Variants in EXT1 observed in about 807,000 individuals in gnomAD.
EXT1 encodes the protein exostosin glycosyltransferase 1, also known as exostosin-1.
In EXT1, 20 loss-of-function variants were observed where a neutral mutation model predicts 82.5. The ratio of observed to expected loss-of-function variants is 0.24; its 90% CI spans 0.17 to 0.35. The LOEUF (loss-of-function observed/expected upper bound fraction) is 0.35. EXT1 is among the 10% of genes least tolerant of loss of function. The probability of loss-of-function intolerance (pLI) is 1.00; values close to 1 mark genes in which losing one functional copy is unlikely to be tolerated. For missense variants in EXT1, 757 were observed against 936.5 expected (o/e 0.81, Z 2.50); for synonymous variants, 348 against 350.8 (o/e 0.99, Z 0.09).
chr8:117,945,834 A>T (rs538296379), intron 1 of EXT1, among the ~76,000 whole-genome samples: 2 of 152,174 alleles, frequency 1.3e-5, no homozygotes, highest in Admixed American at 6.5e-5. Flanking sequence ...AGACTTGCCC[A>T]TGAAATTCTA....
intron 1 of EXT1, among the ~76,000 whole-genome samples, chr8:117,884,307 GA>G (rs1178811273): frequency 6.6e-6 from 1 of 152,198 alleles, no homozygotes; most frequent in African/African-American, 2.4e-5. Context: ...AATGAAGGGG[GA>G]AAGGGATTGG....
rs531748717 is a variant in EXT1 at position 118,062,203 on chromosome 8, C to T, written c.962+47882G>A. Among the ~76,000 whole-genome samples, 59 of 152,238 alleles carry T rather than the reference C, an allele frequency of 3.9e-4. 1 individual carries two copies. The highest frequency in any genetic ancestry group is 7.8e-4 in the Non-Finnish European group (53 of 68,042). ...AGCAGTCCTTCCCCGTTGACACAAACTCCATGAAACAATCATCGGAACGTC... is the reference window on the plus strand; with the variant it reads ...AGCAGTCCTTCCCCGTTGACACAAATTCCATGAAACAATCATCGGAACGTC... On this transcript the variant is annotated intron_variant, in intron 1 of 10. Transcript: ENST00000378204.
intron 1 of EXT1, among the ~76,000 whole-genome samples, chr8:117,902,218 C>G (rs998102895): frequency 1.3e-4 from 19 of 151,650 alleles, no homozygotes; most frequent in Non-Finnish European, 2.5e-4. Context: ...TGAAATATCT[C>G]CTGAAGGACC....
At chr8:117,921,243 T>A (rs144198082) in intron 1 of EXT1, among the ~76,000 whole-genome samples, 1 of 152,188 alleles carries the variant, frequency 6.6e-6, no homozygotes, top group African/African-American at 2.4e-5. Context: ...GCTACTTCCA[T>A]CATAAATGCT....
chr8:117,944,531 G>T (rs552452533), intron 1 of EXT1, among the ~76,000 whole-genome samples: 1 of 152,296 alleles, frequency 6.6e-6, no homozygotes, highest in South Asian at 2.1e-4. Flanking sequence ...TCTGACTGAT[G>T]AATGTGAAAA....
chr8:117,811,804 T>C (rs1168089358), intron 8 of EXT1, among the ~76,000 whole-genome samples: 1 of 152,066 alleles, frequency 6.6e-6, no homozygotes, highest in East Asian at 1.9e-4. Flanking sequence ...TTAGTAGAGA[T>C]AAGGTTTCAC....
intron 1 of EXT1, among the ~76,000 whole-genome samples, chr8:117,953,753 A>AC (rs1814535719): frequency 6.6e-6 from 1 of 152,000 alleles, no homozygotes; most frequent in African/African-American, 2.4e-5. Flanking sequence ...TCATAATAAT[A>AC]ATACATACAA....
intron 1 of EXT1, among the ~76,000 whole-genome samples, chr8:118,020,826 C>G (rs1452373234): frequency 6.6e-6 from 1 of 152,202 alleles, no homozygotes; most frequent in Non-Finnish European, 1.5e-5. Context: ...AAAACCAAGA[C>G]AGTAATACCC....
chr8:117,966,085 C>T (rs1477700818), intron 1 of EXT1, among the ~76,000 whole-genome samples: 2 of 151,790 alleles, frequency 1.3e-5, no homozygotes, highest in Non-Finnish European at 2.9e-5. Flanking sequence ...AATCATGAAA[C>T]GATTCAAAGT....
intron 1 of EXT1, among the ~76,000 whole-genome samples, chr8:117,948,174 A>AT (rs1814423985): frequency 6.6e-6 from 1 of 152,186 alleles, no homozygotes; most frequent in Non-Finnish European, 1.5e-5. Context: ...AGAAATATCT[A>AT]AATACATTAT....
At chr8:117,839,635 A>G (rs4509363) in intron 1 of EXT1, among the ~76,000 whole-genome samples, 149,769 of 152,318 alleles carry the variant, frequency 0.98, 73,706 homozygotes, top group Non-Finnish European at 1. Flanking sequence ...TGGACAGTCA[A>G]TCTATGAATT....
chr8:117,862,035 T>C lies in EXT1; in HGVS notation c.963-24834A>G, dbSNP rs1364209489. The stretch of plus-strand genomic sequence containing the variant: ...ACTTTCAAAACCCACACAAAAGAAT[T>C]TGTACGACACTGATGAAAATTTAGA... On this transcript the variant is annotated intron_variant, in intron 1 of 10. Transcript: ENST00000378204. Among the ~76,000 whole-genome samples the C allele has an allele frequency of 1.4e-5, 2 of 145,898 alleles. 1 individual carries two copies. Among genetic ancestry groups the C allele is most frequent in the South Asian group, 4.4e-4 (2 of 4,520 alleles).
chr8:117,982,561 G>A (rs2129769804), intron 1 of EXT1, among the ~76,000 whole-genome samples: 1 of 152,200 alleles, frequency 6.6e-6, no homozygotes, highest in Admixed American at 6.5e-5. Context: ...CACAATCTCG[G>A]CTCACTGCAG....
intron 1 of EXT1, among the ~76,000 whole-genome samples, chr8:118,027,251 G>A (rs952138622): frequency 6.6e-6 from 1 of 151,290 alleles, no homozygotes; most frequent in African/African-American, 2.4e-5. Context: ...ATTAAGAAAG[G>A]ACAAACAGAC....
chr8:117,919,188 G>C (rs938453972), intron 1 of EXT1, among the ~76,000 whole-genome samples: 4 of 151,500 alleles, frequency 2.6e-5, no homozygotes, highest in African/African-American at 9.7e-5. Context: ...GAAGACATCT[G>C]AGGTGTTTTT....
At chr8:117,959,187 A>G (rs975818370) in intron 1 of EXT1, among the ~76,000 whole-genome samples, 1 of 152,242 alleles carries the variant, frequency 6.6e-6, no homozygotes, top group South Asian at 2.1e-4. Context: ...TGAAAGCTGC[A>G]TGCCTTAGGG....
In EXT1 at chr8:118,032,468, A is replaced by G. The variant is rs557742628; in HGVS notation, c.962+77617T>C. 2.8e-4 allele frequency among the ~76,000 whole-genome samples: 43 copies of G among 151,334 alleles called. No individual in the cohort carries two copies. The South Asian group carries it at 7.8e-3, about 27-fold the overall frequency. ...TAATATAATCTAGTGTCTTTAAAATACCATCAAAGCTTCACAGTGTCTTTC... is the reference window on the plus strand; with the variant it reads ...TAATATAATCTAGTGTCTTTAAAATGCCATCAAAGCTTCACAGTGTCTTTC... On this transcript the variant is annotated intron_variant, in intron 1 of 10. Transcript: ENST00000378204.
intron 1 of EXT1, among the ~76,000 whole-genome samples, chr8:117,928,946 G>A (rs781656780): frequency 6.6e-5 from 10 of 152,036 alleles, no homozygotes; most frequent in Non-Finnish European, 1.3e-4. Flanking sequence ...AAAAGCCCAC[G>A]GCCAAATAGA....
At chr8:117,809,245 T>TATATATATATATATATATATGTATATATA (rs1563874289) in intron 8 of EXT1, among the ~76,000 whole-genome samples, 3 of 66,050 alleles carry the variant, frequency 4.5e-5, no homozygotes, top group African/African-American at 1.2e-4. Context: ...ATATATATAT[T>TATATATATATATATATATATGTATATATA]ATGTTCTATT....
Sources: allele counts gnomAD v4.1 joint callset (sites outside exome capture counted in the v4.1 genomes callset), GRCh38; gene constraint gnomAD v4.1.1; transcripts MANE v1.5; gene names NCBI Gene and HGNC (gene_info 2026-07-23, HGNC 2026-07-21).